RIMS3: variants seen among roughly 807,000 people sequenced by gnomAD.
RIMS3 encodes the protein regulating synaptic membrane exocytosis protein 3.
A neutral mutation model predicts 29.2 loss-of-function variants in RIMS3; 15 were observed. That is an observed-to-expected ratio of 0.51 (90% CI 0.34 to 0.79). RIMS3 has a LOEUF of 0.79. RIMS3 is among the 30% of genes least tolerant of loss of function. RIMS3 has a pLI of 0.01. For synonymous variants in RIMS3, 161 were observed against 170.1 expected (o/e 0.95, Z 0.41); for missense variants, 342 against 421.4 (o/e 0.81, Z 1.65).
chr1:40,652,886 A>G (rs1642204693), intron 1 of RIMS3, among the ~76,000 whole-genome samples: 2 of 152,192 alleles, frequency 1.3e-5, no homozygotes, highest in Non-Finnish European at 2.9e-5. Context: ...CTGCTTTAGA[A>G]AGTGAGGTGC....
chr1:40,635,894 C>A lies in RIMS3; in HGVS notation c.359+22G>T, dbSNP rs1646515751. On this transcript the variant is annotated intron_variant, in intron 4 of 7. Transcript: ENST00000372684. This position sits in a 1 kb window ranked among gnomAD's most constrained non-coding sequence, Gnocchi z 4.1. ...GAGGACCGAGGAGGAGGGAGGGGAC[C>A]ACAGCACGGGGCTGCACGCACGTGC... The A allele has an allele frequency of 1.2e-6, 2 of 1,609,890 alleles. No homozygotes were observed. The highest frequency in any genetic ancestry group is 1.3e-5 in the African/African-American group (1 of 74,974).
intron 4 of RIMS3, among the ~76,000 whole-genome samples, chr1:40,634,003 G>T (rs149546587): frequency 2.5e-4 from 38 of 152,292 alleles, no homozygotes; most frequent in African/African-American, 8.4e-4. Flanking sequence ...GGTTGCTGCT[G>T]TTGTTATCAT....
the RIMS3 span, among the ~76,000 whole-genome samples, chr1:40,674,559 T>C: frequency 2.0e-5 from 3 of 152,174 alleles, no homozygotes; most frequent in Admixed American, 6.5e-5. Context: ...AAGGCAACAG[T>C]GTTGAGAGGA....
At position 40,626,666 on chromosome 1, in the gene RIMS3, T is replaced by G. The variant is rs759392137; in HGVS notation, c.778A>C (p.Met260Leu). Residue 260 changes from methionine to leucine, a missense_variant, in exon 8 of 8, where the codon ATG (methionine) becomes CTG (leucine). Transcript: ENST00000372684. The part of the protein sequence containing the change: ...HKCFMGMAQI[M>L]LDELDLSAAV... ...GCGCTGAGGTCCAGCTCGTCCAGCA[T>G]GATCTGGGCCATGCCCATGAAGCAC... 1 of 1,614,082 alleles carries G rather than the reference T, an allele frequency of 6.2e-7. No homozygotes were observed. Among genetic ancestry groups the G allele is most frequent in the African/African-American group, 1.3e-5 (1 of 74,938 alleles).
chr1:40,639,033 T>C (rs1646539290), intron 3 of RIMS3, among the ~76,000 whole-genome samples: 1 of 152,122 alleles, frequency 6.6e-6, no homozygotes, highest in African/African-American at 2.4e-5. Flanking sequence ...CTAGATATTA[T>C]GGGTCCTGTA....
chr1:40,659,886 C>A (rs959639648), intron 1 of RIMS3, among the ~76,000 whole-genome samples: 1 of 152,170 alleles, frequency 6.6e-6, no homozygotes, highest in Non-Finnish European at 1.5e-5. Context: ...TCCCACAGGG[C>A]CTCGGAGACT....
chr1:40,643,409 A>C (rs1295643704), intron 2 of RIMS3, among the ~76,000 whole-genome samples: 1 of 151,738 alleles, frequency 6.6e-6, no homozygotes, highest in Non-Finnish European at 1.5e-5. Context: ...CTGGGATTAT[A>C]GACATGAGCC....
chr1:40,645,372 G>C (rs1207609283), intron 2 of RIMS3, among the ~76,000 whole-genome samples: 2 of 152,160 alleles, frequency 1.3e-5, no homozygotes, highest in Non-Finnish European at 2.9e-5. Context: ...CTGAGTCTCA[G>C]AGAAGTAAAG....
chr1:40,637,387 G>A (rs12125100), intron 3 of RIMS3, among the ~76,000 whole-genome samples: 6,374 of 152,234 alleles, frequency 0.042, 151 homozygotes, highest in Non-Finnish European at 0.056. Context: ...TGAGAACAGG[G>A]TGCAGGGTGA....
intron 1 of RIMS3, among the ~76,000 whole-genome samples, chr1:40,648,996 G>A (rs143360266): frequency 3.3e-5 from 5 of 152,188 alleles, no homozygotes; most frequent in African/African-American, 4.8e-5. Context: ...GGGCTCCTTC[G>A]GCTCTAGTCT....
intron 4 of RIMS3, among the ~76,000 whole-genome samples, chr1:40,633,387 T>C (rs1038415323): frequency 3.9e-5 from 6 of 152,264 alleles, no homozygotes; most frequent in Non-Finnish European, 8.8e-5. Flanking sequence ...AATACTTTGA[T>C]GTCACTTGAG....
chr1:40,660,587 C>T (rs939139716), intron 1 of RIMS3, among the ~76,000 whole-genome samples: 4 of 151,776 alleles, frequency 2.6e-5, no homozygotes, highest in African/African-American at 9.7e-5. Flanking sequence ...GCCATGTTGC[C>T]CAGGCTGGTC....
the RIMS3 span, among the ~76,000 whole-genome samples, chr1:40,672,194 ATTTTT>A: frequency 0.08 from 8,602 of 107,042 alleles, 439 homozygotes; most frequent in African/African-American, 0.18. Flanking sequence ...TAGCTAGATG[ATTTTT>A]TTTTTTTTTT....
intron 4 of RIMS3, 25 bp from the exon 5 acceptor site, chr1:40,633,206 G>GT: frequency 6.3e-7 from 1 of 1,588,476 alleles, no homozygotes; most frequent in Non-Finnish European, 8.6e-7. Context: ...AGAGGGACGC[G>GT]TGAGGGGGTC....
chr1:40,666,897 C>A (rs1325765038), upstream of RIMS3, among the ~76,000 whole-genome samples: 1 of 152,024 alleles, frequency 6.6e-6, no homozygotes, highest in African/African-American at 2.4e-5. Flanking sequence ...TGGTGGCACA[C>A]AACTATAGTC....
the RIMS3 span, among the ~76,000 whole-genome samples, chr1:40,672,514 G>A: frequency 1.3e-5 from 2 of 152,252 alleles, no homozygotes; most frequent in South Asian, 2.1e-4. Context: ...TGATTTTTAA[G>A]GTTTCTTCTG....
chr1:40,656,655 T>C (rs990129981), intron 1 of RIMS3, among the ~76,000 whole-genome samples: 1 of 151,978 alleles, frequency 6.6e-6, no homozygotes, highest in Non-Finnish European at 1.5e-5. Context: ...TGGTGGTGCA[T>C]GCCTGTAATC....
the RIMS3 span, among the ~76,000 whole-genome samples, chr1:40,683,536 G>A: frequency 6.6e-6 from 1 of 152,366 alleles, no homozygotes; most frequent in East Asian, 1.9e-4. Flanking sequence ...CTGGTGCCAT[G>A]CTCTTGGGCT....
At chr1:40,638,787 A>C (rs1196768319) in intron 3 of RIMS3, among the ~76,000 whole-genome samples, 2 of 152,224 alleles carry the variant, frequency 1.3e-5, no homozygotes, top group Non-Finnish European at 2.9e-5. Context: ...GACTTAGTGA[A>C]TGTCAGATCC....
Sources: allele counts gnomAD v4.1 joint callset (sites outside exome capture counted in the v4.1 genomes callset), GRCh38; gene constraint gnomAD v4.1.1; non-coding constraint Gnocchi (gnomAD v3.1); transcripts MANE v1.5; gene names NCBI Gene and HGNC (gene_info 2026-07-23, HGNC 2026-07-21).